Variants in CFDP1 observed in about 807,000 individuals in gnomAD.
The protein encoded by CFDP1 is chromatin remodeling protein CFDP1.
In CFDP1, 31 loss-of-function variants were observed where a neutral mutation model predicts 40.1. That is an observed-to-expected ratio of 0.77 (90% CI 0.58 to 1.04). The LOEUF (loss-of-function observed/expected upper bound fraction) is 1.04, where lower values mean the gene tolerates loss of function less well. CFDP1 is among the 50% of genes least tolerant of loss of function. CFDP1 has a pLI of 0.00. For missense variants in CFDP1, 423 were observed against 343.4 expected, an observed-to-expected ratio of 1.23 and a Z score of -1.83; for synonymous variants, 167 against 120.0, an observed-to-expected ratio of 1.39 and a Z score of -2.56.
chr16:75,386,860 C>T (rs2078902565), intron 5 of CFDP1, among the ~76,000 whole-genome samples: 1 of 152,238 alleles, frequency 6.6e-6, no homozygotes, highest in Non-Finnish European at 1.5e-5. Context: ...TCCATTCATA[C>T]TTATCTCAGT....
intron 5 of CFDP1, among the ~76,000 whole-genome samples, chr16:75,367,430 TAAA>T (rs35774804): frequency 3.3e-5 from 4 of 120,034 alleles, no homozygotes; most frequent in Non-Finnish European, 5.0e-5. Flanking sequence ...ACTCCAGAAC[TAAA>T]AAAAAAAAAA....
intron 5 of CFDP1, among the ~76,000 whole-genome samples, chr16:75,337,438 C>CTAG (rs2078497243): frequency 6.6e-6 from 1 of 152,226 alleles, no homozygotes; most frequent in Non-Finnish European, 1.5e-5. Context: ...TTTGCCCCTC[C>CTAG]TTATTGCTGC....
intron 4 of CFDP1, among the ~76,000 whole-genome samples, chr16:75,403,181 G>T (rs2079069996): frequency 6.6e-6 from 1 of 152,070 alleles, no homozygotes; most frequent in Non-Finnish European, 1.5e-5. Context: ...AACTATAATA[G>T]TATTTACTAA....
chr16:75,417,106 G>C (rs1301717725), intron 1 of CFDP1, among the ~76,000 whole-genome samples: 2 of 151,992 alleles, frequency 1.3e-5, no homozygotes, highest in Non-Finnish European at 2.9e-5. Context: ...AGGAGGTCAA[G>C]GCTGAAGTGA....
At position 75,422,451 on chromosome 16, in the gene CFDP1, G is replaced by A. The variant is rs1260586805; in HGVS notation, c.65-7756C>T. Among the ~76,000 whole-genome samples, 13 of 144,618 alleles carry A rather than the reference G, an allele frequency of 9.0e-5. No homozygotes were observed. The Admixed American group carries it at 9.1e-4, about 10-fold the overall frequency. 94.9% of individuals were successfully genotyped at this position (144,618 alleles called of 152,430 possible). ...GTCTCGCTCTGTTGCCCAAGCTAGA[G>A]TGCAGTGGCATGATCTTGGCTCACT... On this transcript the variant is annotated intron_variant, in intron 1 of 6. Transcript: ENST00000283882.
chr16:75,425,011 T>C (rs2079320933), intron 1 of CFDP1, among the ~76,000 whole-genome samples: 1 of 152,104 alleles, frequency 6.6e-6, no homozygotes, highest in East Asian at 1.9e-4. Context: ...ACAAGGTTAG[T>C]ATGCAGAACC....
chr16:75,409,548 T>C (rs971447942), intron 4 of CFDP1: 12 of 152,238 alleles, frequency 7.9e-5, no homozygotes, highest in African/African-American at 2.9e-4. Flanking sequence ...TGGTCTGCTA[T>C]AGATTGAAAA....
intron 5 of CFDP1, among the ~76,000 whole-genome samples, chr16:75,333,047 A>G (rs1036852895): frequency 1.3e-5 from 2 of 150,500 alleles, no homozygotes; most frequent in African/African-American, 4.9e-5. Flanking sequence ...ACCTCAGGTG[A>G]TCTGCCTGCT....
chr16:75,426,587 A>C (rs2079345156), intron 1 of CFDP1, among the ~76,000 whole-genome samples: 1 of 152,002 alleles, frequency 6.6e-6, no homozygotes, highest in South Asian at 2.1e-4. Flanking sequence ...GAGGCAGGAA[A>C]ATTGTTTGAG....
At position 75,356,037 on chromosome 16, in the gene CFDP1, T is replaced by C. The variant is rs115254970; in HGVS notation, c.650+39053A>G. ...TCAAAGTTACCCATAAGGGTTGGAA[T>C]AAACTTCTTCTAAACTCCTGTTCCT... On this transcript the variant is annotated intron_variant, in intron 5 of 6. Transcript: ENST00000283882. 8.3e-3 allele frequency among the ~76,000 whole-genome samples: 1,261 copies of C among 152,318 alleles called. 22 individuals carry two copies. Among genetic ancestry groups the C allele is most frequent in the African/African-American group, 0.028 (1,154 of 41,560 alleles).
intron 5 of CFDP1, among the ~76,000 whole-genome samples, chr16:75,323,036 T>C (rs1295233201): frequency 6.6e-6 from 1 of 152,166 alleles, no homozygotes; most frequent in African/African-American, 2.4e-5. Context: ...AATTTTTTTT[T>C]CTTCAATAAA....
At chr16:75,384,754 G>C (rs1410091140) in intron 5 of CFDP1, among the ~76,000 whole-genome samples, 1 of 151,306 alleles carries the variant, frequency 6.6e-6, no homozygotes, top group Non-Finnish European at 1.5e-5. Context: ...TGGAATACCA[G>C]GCAGGCATAA....
At chr16:75,413,246 C>A (rs773365385) in intron 2 of CFDP1, among the ~76,000 whole-genome samples, 4 of 152,078 alleles carry the variant, frequency 2.6e-5, no homozygotes, top group Non-Finnish European at 5.9e-5. Context: ...TTCCCACTTT[C>A]GGAAGAACTG....
At chr16:75,305,962 A>G (rs959436143) in intron 5 of CFDP1, among the ~76,000 whole-genome samples, 2 of 152,234 alleles carry the variant, frequency 1.3e-5, no homozygotes, top group Non-Finnish European at 2.9e-5. Flanking sequence ...CCCAAATTCA[A>G]GTCTTGGCAG....
rs77671042 is a variant in CFDP1 at position 75,365,098 on chromosome 16, C to T, written c.650+29992G>A. On this transcript the variant is annotated intron_variant, in intron 5 of 6. Transcript: ENST00000283882. Reference sequence around the variant, plus strand: ...CTGGCTAGTTGTTTTTCCATAGCATCTTAAATATTTGGTATATTAATATGT... The same window carrying T: ...CTGGCTAGTTGTTTTTCCATAGCATTTTAAATATTTGGTATATTAATATGT... Among the ~76,000 whole-genome samples the T allele has an allele frequency of 3.1e-3, 477 of 152,250 alleles. 2 individuals are homozygous for T. The highest frequency in any genetic ancestry group is 0.011 in the African/African-American group (464 of 41,532).
chr16:75,305,214 G>C (rs1163208147), intron 5 of CFDP1, 32 bp from the exon 6 acceptor site: 1 of 1,607,052 alleles, frequency 6.2e-7, no homozygotes, highest in African/African-American at 1.3e-5. Context: ...GATGTAGCAG[G>C]TAAAAACTCT....
chr16:75,383,548 C>T (rs1431566868), intron 5 of CFDP1, among the ~76,000 whole-genome samples: 1 of 152,164 alleles, frequency 6.6e-6, no homozygotes, highest in Non-Finnish European at 1.5e-5. Context: ...CAGCGAGGCG[C>T]TGTGGCTCTC....
chr16:75,424,563 GGCTAACACGGTGAAACCC>G, intron 1 of CFDP1, among the ~76,000 whole-genome samples: 2 of 152,162 alleles, frequency 1.3e-5, no homozygotes, highest in East Asian at 3.9e-4. Context: ...AGACCATTCT[GGCTAACACGGTGAAACCC>G]AGTCTCTACT....
At chr16:75,335,156 G>A (rs2151517242) in intron 5 of CFDP1, among the ~76,000 whole-genome samples, 2 of 152,264 alleles carry the variant, frequency 1.3e-5, no homozygotes, top group Non-Finnish European at 2.9e-5. Flanking sequence ...GGTCTTACCA[G>A]CTCATAAATG....
Sources: allele counts gnomAD v4.1 joint callset (sites outside exome capture counted in the v4.1 genomes callset), GRCh38; gene constraint gnomAD v4.1.1; transcripts MANE v1.5; gene names NCBI Gene and HGNC (gene_info 2026-07-23, HGNC 2026-07-21).